MASP2: variants seen among roughly 807,000 people sequenced by gnomAD.
The protein encoded by MASP2 is mannan-binding lectin serine protease 2.
A neutral mutation model predicts 57.1 loss-of-function variants in MASP2; 49 were observed. That is an observed-to-expected ratio of 0.86 (90% CI 0.68 to 1.09). The LOEUF (loss-of-function observed/expected upper bound fraction) is 1.09, where lower values mean the gene tolerates loss of function less well. MASP2 is among the 50% of genes least tolerant of loss of function. The pLI is 0.00. For missense variants in MASP2, 900 were observed against 874.8 expected, an observed-to-expected ratio of 1.03 and a Z score of -0.36; for synonymous variants, 379 against 340.8, an observed-to-expected ratio of 1.11 and a Z score of -1.24.
chr1:11,045,212 G>A (rs1340464091), intron 4 of MASP2, 196 bp downstream of exon 4: 1 of 836,852 alleles, frequency 1.2e-6, no homozygotes, highest in Admixed American at 2.0e-5. Flanking sequence ...CAGTCGCTAG[G>A]GCAGGGTGGC....
intron 9 of MASP2, 66 bp from the exon 10 acceptor site, chr1:11,030,316 T>C: frequency 9.0e-7 from 1 of 1,117,036 alleles, no homozygotes; most frequent in African/African-American, 1.6e-5. Flanking sequence ...TTTGCTTGAA[T>C]ACCCCCTTGA....
Position 11,045,421 on chromosome 1 carries a change from CTTGTT to C in MASP2, c.526_530del (p.Asn176AlafsTer23). 2 of 1,613,208 alleles carry C rather than the reference CTTGTT, an allele frequency of 1.2e-6. No homozygotes were observed. The highest frequency in any genetic ancestry group is 1.7e-6 in the Non-Finnish European group (2 of 1,179,930). On this transcript the variant is annotated frameshift_variant, in exon 4 of 11. Transcript: ENST00000400897. LOFTEE classifies it high-confidence loss of function. The stretch of plus-strand genomic sequence containing the variant: ...AGCCTCCCTCACCTGAGCAGGTGCG[CTTGTT>C]ACGGTGCAGGACGTAGCCTGCGCGG...
chr1:11,028,367 G>T (rs193037528), intron 10 of MASP2, among the ~76,000 whole-genome samples: 8 of 152,250 alleles, frequency 5.3e-5, no homozygotes, highest in African/African-American at 1.9e-4. Flanking sequence ...GTAATCCTAG[G>T]AAAGCAGGAA....
chr1:11,032,275 C>T (rs1201601963), intron 8 of MASP2, among the ~76,000 whole-genome samples: 1 of 152,116 alleles, frequency 6.6e-6, no homozygotes, highest in Non-Finnish European at 1.5e-5. Flanking sequence ...TATACTTGCT[C>T]ACACATGTGA....
intron 7 of MASP2, among the ~76,000 whole-genome samples, chr1:11,035,528 A>AATCATC (rs113627607): frequency 0.03 from 4,450 of 147,612 alleles, 190 homozygotes; most frequent in African/African-American, 0.09. Context: ...CCCTGTCTCA[A>AATCATC]ATCATCATCA....
At position 11,043,373 on chromosome 1, in the gene MASP2, T is replaced by A. The variant is rs1408966640; in HGVS notation, c.707A>T (p.His236Leu). 6.2e-7 allele frequency: 1 copy of A among 1,609,088 alleles called. No individual in the cohort carries two copies. The highest frequency in any genetic ancestry group is 1.7e-5 in the Admixed American group (1 of 59,354). ...DFVESFDVET[H>L]PETLCPYDFL... Reference sequence around the variant, plus strand: ...GTCGTAGGGACACAGGGTTTCAGGGTGTGTCTCCACATCGAAGGACTCCAC... The same window carrying A: ...GTCGTAGGGACACAGGGTTTCAGGGAGTGTCTCCACATCGAAGGACTCCAC... The change falls in exon 5 of 11, where the codon CAC (histidine) becomes CTC (leucine). Residue 236 changes from histidine to leucine, a missense_variant. By Grantham distance (99) the His-to-Leu change is moderately conservative. Transcript: ENST00000400897.
At chr1:11,034,569 G>A (rs901549011) in intron 8 of MASP2, among the ~76,000 whole-genome samples, 1 of 151,768 alleles carries the variant, frequency 6.6e-6, no homozygotes, top group South Asian at 2.1e-4. Flanking sequence ...GTGGTGTCAG[G>A]TGCCTGTGGT....
intron 7 of MASP2, among the ~76,000 whole-genome samples, chr1:11,036,780 C>A (rs923885351): frequency 2.0e-5 from 3 of 152,052 alleles, no homozygotes; most frequent in African/African-American, 4.8e-5. Context: ...GCCCCTAAAG[C>A]AACACGCTAA....
chr1:11,041,436 A>ATGGATGGATGGG (rs769951525), intron 6 of MASP2, among the ~76,000 whole-genome samples: 1 of 147,558 alleles, frequency 6.8e-6, no homozygotes, highest in African/African-American at 2.5e-5. Flanking sequence ...GGATGGATGG[A>ATGGATGGATGGG]TTGGTAGGTA....
At chr1:11,035,722 C>T (rs974200686) in intron 7 of MASP2, among the ~76,000 whole-genome samples, 2 of 151,818 alleles carry the variant, frequency 1.3e-5, no homozygotes, top group Non-Finnish European at 2.9e-5. Flanking sequence ...TAGTGAGACC[C>T]CCACCTCTAC....
At chr1:11,032,022 C>T (rs1036774795) in intron 8 of MASP2, among the ~76,000 whole-genome samples, 7 of 152,284 alleles carry the variant, frequency 4.6e-5, no homozygotes, top group African/African-American at 1.7e-4. Context: ...GTAATCCCAG[C>T]ACTCAAGAGA....
chr1:11,028,707 T>G (rs1169033021), intron 10 of MASP2, among the ~76,000 whole-genome samples: 311 of 3,488 alleles, frequency 0.089, 5 homozygotes, highest in African/African-American at 0.34. Context: ...GTTTTTTTTC[T>G]TTTTTTTTTT....
chr1:11,028,865 C>T (rs1000440594), intron 10 of MASP2, among the ~76,000 whole-genome samples: 3 of 151,646 alleles, frequency 2.0e-5, no homozygotes, highest in African/African-American at 4.8e-5. Context: ...AGGCACACGC[C>T]ACCACACCTG....
intron 7 of MASP2, among the ~76,000 whole-genome samples, chr1:11,036,631 T>G (rs539724169): frequency 8.1e-5 from 11 of 135,816 alleles, no homozygotes; most frequent in African/African-American, 3.3e-4. Flanking sequence ...GTGTCTCTCT[T>G]TTTTTTTTTT....
chr1:11,043,382 A>T lies in MASP2; in HGVS notation c.698T>A (p.Val233Glu). The T allele has an allele frequency of 6.2e-7, 1 of 1,609,684 alleles. No individual in the cohort carries two copies. Among genetic ancestry groups the T allele is most frequent in the Non-Finnish European group, 8.5e-7 (1 of 1,178,404 alleles). Residue 233 changes from valine to glutamate, a missense_variant, in exon 5 of 11, where the codon GTG becomes GAG. Val to Glu is a moderately radical substitution (Grantham distance 121). Coordinates refer to ENST00000400897, the MANE Select transcript of MASP2 (RefSeq NM_006610.4). ...ACACAGGGTTTCAGGGTGTGTCTCC[A>T]CATCGAAGGACTCCACAAAGTCCAG... ...VILDFVESFD[V>E]ETHPETLCPY...
Position 11,036,435 on chromosome 1 carries a change from C to T in MASP2, c.1008+1258G>A, listed in dbSNP as rs536048876. On this transcript the variant is annotated intron_variant, in intron 7 of 10. Transcript: ENST00000400897. ...AGGAGAATGGCGTGAACCCGGGAAGCGGAGCTTGCAGTGAGCCGAGATTGC... is the reference window on the plus strand; with the variant it reads ...AGGAGAATGGCGTGAACCCGGGAAGTGGAGCTTGCAGTGAGCCGAGATTGC... Among the ~76,000 whole-genome samples, 3 of 128,724 alleles carry T rather than the reference C, an allele frequency of 2.3e-5. No homozygotes were observed. In the East Asian group the frequency reaches 8.1e-4, roughly 35 times the overall value. 84.4% of individuals were successfully genotyped at this position (128,724 alleles called of 152,430 possible). A position where few individuals can be genotyped will look rare whatever the true frequency, so the allele number is the denominator to read the frequency against.
rs761829199 is a variant in MASP2, at chr1:11,034,788, C to G, written c.1087+40G>C. The G allele has an allele frequency of 4.2e-6, 6 of 1,411,896 alleles. No individual in the cohort carries two copies. The African/African-American group carries it at 7.3e-5, about 17-fold the overall frequency. The allele number at this position is 1,411,896 out of a possible 1,614,324, so 87.5% of individuals were successfully genotyped here. A position where few individuals can be genotyped will look rare whatever the true frequency, so the allele number is the denominator to read the frequency against. On this transcript the variant is annotated intron_variant, in intron 8 of 10. Transcript: ENST00000400897. ...AGCAACAGTAGCAGCAGAGGGAGTT[C>G]CGGGCGGTTATGGGGCCTGTAGTCA...
At chr1:11,032,589 T>C (rs7555145) in intron 8 of MASP2, among the ~76,000 whole-genome samples, 109,455 of 147,344 alleles carry the variant, frequency 0.74, 41,783 homozygotes, top group East Asian at 0.86. Flanking sequence ...CCAGCCTGGG[T>C]GACAGAATGA....
intron 8 of MASP2, 60 bp downstream of exon 8, chr1:11,034,768 C>A: frequency 1.9e-6 from 2 of 1,052,916 alleles, no homozygotes; most frequent in Non-Finnish European, 2.8e-6. Context: ...GAAGCAGCAA[C>A]AGTAGCAGCA....
Sources: gnomAD v4.1 joint callset for allele counts (sites outside exome capture counted in the v4.1 genomes callset) on GRCh38, gnomAD v4.1.1 for gene constraint, MANE v1.5 for transcripts, NCBI Gene and HGNC (gene_info 2026-07-23, HGNC 2026-07-21) for gene names.